The following DNAI1 variants were observed in gnomAD, a reference collection of about 807,000 sequenced individuals.
The protein encoded by DNAI1 is dynein axonemal intermediate chain 1.
A neutral mutation model predicts 92.0 loss-of-function variants in DNAI1; 67 were observed. The ratio of observed to expected loss-of-function variants is 0.73; its 90% confidence interval spans 0.60 to 0.89. DNAI1 has a LOEUF of 0.89. DNAI1 is among the 40% of genes least tolerant of loss of function. The pLI is 0.00. For missense variants in DNAI1, 839 were observed against 866.6 expected, an observed-to-expected ratio of 0.97 and a Z score of 0.40; for synonymous variants, 323 against 319.6, an observed-to-expected ratio of 1.01 and a Z score of -0.11.
rs1825138379 is a variant in DNAI1, at chr9:34,514,632, C to T, written c.1719-8C>T. On this transcript the variant is annotated splice_polypyrimidine_tract_variant and splice_region_variant and intron_variant, in intron 17 of 19. Coordinates refer to ENST00000242317, the MANE Select transcript of DNAI1 (RefSeq NM_012144.4). The stretch of plus-strand genomic sequence containing the variant: ...GTGCCATGGGCTTTCCACCCTCCAC[C>T]TCTGCAGGACCCCGATGTTCATCTA... 2 of 1,614,112 alleles carry T rather than the reference C, an allele frequency of 1.2e-6. No individual in the cohort carries two copies. Among genetic ancestry groups the T allele is most frequent in the African/African-American group, 1.3e-5 (1 of 74,934 alleles).
chr9:34,461,812 G>A (rs1823956339), intron 1 of DNAI1, among the ~76,000 whole-genome samples: 1 of 152,210 alleles, frequency 6.6e-6, no homozygotes, highest in African/African-American at 2.4e-5. Flanking sequence ...GTGCTAATCA[G>A]GTGTGGGATG....
chr9:34,517,459 A>G lies in DNAI1; in HGVS notation c.1993A>G (p.Met665Val). 1.2e-6 allele frequency: 2 copies of G among 1,614,148 alleles called. No individual in the cohort carries two copies. The highest frequency in any genetic ancestry group is 1.7e-6 in the Non-Finnish European group (2 of 1,180,030). ...CAAGCTCTCACCCAATTTGCGCAAG[A>G]TGCCAAAGGTACAGGCTCTGGGACT... The part of the protein sequence containing the change: ...SLKLSPNLRK[M>V]PKEKKGQEVQ... The change falls in exon 19 of 20, where the codon ATG becomes GTG. Residue 665 changes from methionine (M) to valine (V), a missense_variant. Met to Val is a conservative substitution (Grantham distance 21). Coordinates refer to ENST00000242317, the MANE Select transcript of DNAI1 (RefSeq NM_012144.4).
chr9:34,484,779 CTT>C (rs1344490796), intron 2 of DNAI1, among the ~76,000 whole-genome samples: 2 of 152,328 alleles, frequency 1.3e-5, no homozygotes, highest in East Asian at 3.9e-4. Context: ...GTCTAAACCA[CTT>C]TGCATAAAGC....
chr9:34,482,974 G>C (rs1217236972), intron 1 of DNAI1, among the ~76,000 whole-genome samples: 1 of 152,220 alleles, frequency 6.6e-6, no homozygotes, highest in African/African-American at 2.4e-5. Context: ...ACTGCTGGGG[G>C]ACTCAGTACA....
chr9:34,519,450 G>A (rs1335399621), intron 19 of DNAI1, among the ~76,000 whole-genome samples: 3 of 152,214 alleles, frequency 2.0e-5, no homozygotes, highest in Non-Finnish European at 2.9e-5. Flanking sequence ...AGGGGATGGG[G>A]TGAAGCCAAG....
At chr9:34,468,056 C>G (rs1824069631) in intron 1 of DNAI1, among the ~76,000 whole-genome samples, 1 of 152,030 alleles carries the variant, frequency 6.6e-6, no homozygotes, top group African/African-American at 2.4e-5. Context: ...GATGGAGAAT[C>G]TAAGCAGAAA....
chr9:34,486,536 A>G (rs1824475210), intron 4 of DNAI1, among the ~76,000 whole-genome samples: 1 of 152,188 alleles, frequency 6.6e-6, no homozygotes, highest in Admixed American at 6.5e-5. Context: ...AAAAATGAAA[A>G]CACAGTCAAA....
At chr9:34,485,988 C>T (rs767167728) in intron 4 of DNAI1, among the ~76,000 whole-genome samples, 16 of 152,258 alleles carry the variant, frequency 1.1e-4, no homozygotes, top group East Asian at 1.9e-4. Context: ...TTGACATCAC[C>T]GCCAGACAGG....
At chr9:34,496,417 G>C (rs757940151) in intron 9 of DNAI1, among the ~76,000 whole-genome samples, 1 of 152,206 alleles carries the variant, frequency 6.6e-6, no homozygotes, top group African/African-American at 2.4e-5. Flanking sequence ...CAAACTCTTT[G>C]CTCTTCTGTC....
chr9:34,503,710 C>T (rs1168120128), intron 12 of DNAI1, among the ~76,000 whole-genome samples: 1 of 152,146 alleles, frequency 6.6e-6, no homozygotes, highest in Non-Finnish European at 1.5e-5. Flanking sequence ...CAATTGCCTG[C>T]AACAGCACAG....
chr9:34,489,721 T>G (rs755169550), intron 5 of DNAI1, among the ~76,000 whole-genome samples: 19 of 152,072 alleles, frequency 1.2e-4, no homozygotes, highest in Non-Finnish European at 2.4e-4. Context: ...TGGTGGCACT[T>G]ACCTGTAGTC....
intron 13 of DNAI1, among the ~76,000 whole-genome samples, chr9:34,510,212 G>A (rs564680755): frequency 4.6e-5 from 7 of 152,370 alleles, no homozygotes; most frequent in African/African-American, 1.7e-4. Flanking sequence ...AGGTTTTGGA[G>A]CCAAGGAGAG....
rs3838717 is a variant in DNAI1, at chr9:34,492,115, AAG to A, written c.681+566_681+567del. On this transcript the variant is annotated intron_variant, in intron 8 of 19. Transcript: ENST00000242317. ...TAATGCCTCAGTTTCTTTCTCTCTA[AAG>A]AGAGGATGACAAGCTGCCTCACAGA... is the stretch of plus-strand genomic sequence containing the variant. Among the ~76,000 whole-genome samples, 52 of 152,254 alleles carry A rather than the reference AAG, an allele frequency of 3.4e-4. No individual in the cohort carries two copies. The East Asian group carries it at 9.3e-3, about 27-fold the overall frequency.
intron 18 of DNAI1, among the ~76,000 whole-genome samples, chr9:34,516,054 G>C (rs1438441260): frequency 6.6e-6 from 1 of 152,218 alleles, no homozygotes. Context: ...GTCAGGAAAG[G>C]CTTCTTTGAA....
intron 13 of DNAI1, among the ~76,000 whole-genome samples, chr9:34,509,499 C>A (rs1825021679): frequency 6.6e-6 from 1 of 152,094 alleles, no homozygotes. Flanking sequence ...TCTGTTAGGA[C>A]CAGGTCCCTG....
Sources: gnomAD v4.1 joint callset for allele counts (sites outside exome capture counted in the v4.1 genomes callset) on GRCh38, gnomAD v4.1.1 for gene constraint, MANE v1.5 for transcripts, NCBI Gene and HGNC (gene_info 2026-07-23, HGNC 2026-07-21) for gene names.